Variants in DCUN1D5 observed in about 807,000 individuals in gnomAD.
DCUN1D5 encodes DCN1-like protein 5.
DCUN1D5 carries 10 observed loss-of-function variants against 38.3 expected under a neutral mutation model. The observed-to-expected ratio is 0.26, with a 90% CI of 0.16 to 0.44. The LOEUF is 0.44. Ranked by LOEUF, DCUN1D5 falls within the 20% of genes least tolerant of loss-of-function variation. The pLI is 1.00. For synonymous variants in DCUN1D5, 93 were observed against 90.9 expected (o/e 1.02, Z -0.13); for missense variants, 148 against 275.3 (o/e 0.54, Z 3.27).
intron 4 of DCUN1D5, among the ~76,000 whole-genome samples, chr11:103,070,196 G>A (rs147577529): frequency 8.4e-4 from 127 of 150,618 alleles, no homozygotes; most frequent in Admixed American, 1.8e-3. Context: ...TAAAATACAA[G>A]GTAGCCTTAA....
chr11:103,063,136 A>G lies in DCUN1D5; in HGVS notation c.659-722T>C, dbSNP rs963962993. On this transcript the variant is annotated intron_variant, in intron 7 of 7. Coordinates refer to ENST00000260247, the MANE Select transcript of DCUN1D5 (RefSeq NM_032299.4). The surrounding 1 kb of genome is among the most constrained non-coding windows in gnomAD (Gnocchi z 4.6). Reference sequence around the variant, plus strand: ...TCTATCGTAAGAAAAGCAGCAGAGCACATATGATAATAAATGGCAACTGAA... The same window carrying G: ...TCTATCGTAAGAAAAGCAGCAGAGCGCATATGATAATAAATGGCAACTGAA... 6.6e-6 allele frequency among the ~76,000 whole-genome samples: 1 copy of G among 152,156 alleles called. No individual in the cohort carries two copies. Among genetic ancestry groups the G allele is most frequent in the Admixed American group, 6.5e-5 (1 of 15,274 alleles).
At position 103,083,358 on chromosome 11, in the gene DCUN1D5, T is replaced by A; in HGVS notation, c.179-32A>T. 8.2e-7 allele frequency: 1 copy of A among 1,226,958 alleles called. No homozygotes were observed. Among genetic ancestry groups the A allele is most frequent in the Non-Finnish European group, 1.2e-6 (1 of 833,204 alleles). 76.0% of individuals were successfully genotyped at this position (1,226,958 alleles called of 1,614,324 possible). A position where few individuals can be genotyped will look rare whatever the true frequency, so the allele number is the denominator to read the frequency against. ...AGACAAAAATAATTAACATATTTTGTTATAATATCAACATAAAACATAAAT... is the reference window on the plus strand; with the variant it reads ...AGACAAAAATAATTAACATATTTTGATATAATATCAACATAAAACATAAAT... On this transcript the variant is annotated intron_variant, in intron 2 of 7. Coordinates refer to ENST00000260247, the MANE Select transcript of DCUN1D5 (RefSeq NM_032299.4). This position sits in a 1 kb window ranked among gnomAD's most constrained non-coding sequence, Gnocchi z 4.4.
chr11:103,069,179 TG>T (rs1224076171), intron 4 of DCUN1D5, among the ~76,000 whole-genome samples: 1 of 152,204 alleles, frequency 6.6e-6, no homozygotes, highest in Non-Finnish European at 1.5e-5. Flanking sequence ...GGTGGAAACC[TG>T]AGGAACTACA....
chr11:103,076,626 A>G (rs1862414049), intron 4 of DCUN1D5, among the ~76,000 whole-genome samples: 1 of 152,234 alleles, frequency 6.6e-6, no homozygotes, highest in Non-Finnish European at 1.5e-5. Flanking sequence ...CGACGATAAT[A>G]ATTTAATAGG....
intron 4 of DCUN1D5, among the ~76,000 whole-genome samples, chr11:103,075,015 T>C (rs1347494080): frequency 6.6e-6 from 1 of 152,188 alleles, no homozygotes; most frequent in African/African-American, 2.4e-5. Context: ...ATTTTTGGCT[T>C]GGGTCAGATA....
rs1449664244 is a variant in DCUN1D5 at position 103,055,109 on chromosome 11, T to C, written c.*7250A>G. 3 of 152,178 alleles carry C rather than the reference T, an allele frequency of 2.0e-5. No individual in the cohort carries two copies. The highest frequency in any genetic ancestry group is 4.4e-5 in the Non-Finnish European group (3 of 68,010). The allele number at this position is 152,178 out of a possible 1,614,324, so 9.4% of individuals were successfully genotyped here. A position where few individuals can be genotyped will look rare whatever the true frequency, so the allele number is the denominator to read the frequency against. On this transcript the variant is annotated 3_prime_UTR_variant, in exon 8 of 8. Coordinates refer to ENST00000260247, the MANE Select transcript of DCUN1D5 (RefSeq NM_032299.4). Reference sequence around the variant, plus strand: ...ATGTTTCATATACACTTTTTACACATAGCCTGCAGCTAATTTTATTTTTCT... The same window carrying C: ...ATGTTTCATATACACTTTTTACACACAGCCTGCAGCTAATTTTATTTTTCT...
In DCUN1D5 at chr11:103,092,110, C is replaced by G; in HGVS notation, c.-238G>C. The G allele has an allele frequency of 6.1e-6, 3 of 487,994 alleles. No homozygotes were observed. Among genetic ancestry groups the G allele is most frequent in the Non-Finnish European group, 1.1e-5 (3 of 275,884 alleles). The allele number at this position is 487,994 out of a possible 1,614,324, so 30.2% of individuals were successfully genotyped here. ...CGGTGGACACTGCGGTTCGTTCTCA[C>G]CGGGAGGAGATAACGCGGACAGCGC... On this transcript the variant is annotated 5_prime_UTR_variant, in exon 1 of 8. Coordinates refer to ENST00000260247, the MANE Select transcript of DCUN1D5 (RefSeq NM_032299.4).
Position 103,062,200 on chromosome 11 carries a change from G to A in DCUN1D5, c.*159C>T. On this transcript the variant is annotated 3_prime_UTR_variant, in exon 8 of 8. Transcript: ENST00000260247. The surrounding 1 kb of genome is among the most constrained non-coding windows in gnomAD (Gnocchi z 4.6). ...AGGTGTGGCTCAATGCCCATCACAT[G>A]TAACAAGAAAAACCTCCTTTAAAAA... 1 of 650,730 alleles carries A rather than the reference G, an allele frequency of 1.5e-6. No individual in the cohort carries two copies. The highest frequency in any genetic ancestry group is 2.0e-5 in the South Asian group (1 of 49,888). 40.3% of individuals were successfully genotyped at this position (650,730 alleles called of 1,614,324 possible). A position where few individuals can be genotyped will look rare whatever the true frequency, so the allele number is the denominator to read the frequency against.
chr11:103,058,674 G>T lies in DCUN1D5; in HGVS notation c.*3685C>A, dbSNP rs1861936240. 6.6e-6 allele frequency among the ~76,000 whole-genome samples: 1 copy of T among 151,854 alleles called. No homozygotes were observed. Among genetic ancestry groups the T allele is most frequent in the African/African-American group, 2.4e-5 (1 of 41,354 alleles). The stretch of plus-strand genomic sequence containing the variant: ...TAATAAAACTATATCATTAAAAAAA[G>T]ATATAATCCAGAATATTTAATAATT... On this transcript the variant is annotated 3_prime_UTR_variant, in exon 8 of 8. Coordinates refer to ENST00000260247, the MANE Select transcript of DCUN1D5 (RefSeq NM_032299.4).
Position 103,066,260 on chromosome 11 carries a change from C to A in DCUN1D5, c.555+9G>T. The A allele has an allele frequency of 6.6e-7, 1 of 1,511,892 alleles. No homozygotes were observed. The highest frequency in any genetic ancestry group is 2.2e-5 in the Admixed American group (1 of 45,990). 93.7% of individuals were successfully genotyped at this position (1,511,892 alleles called of 1,614,324 possible). A position where few individuals can be genotyped will look rare whatever the true frequency, so the allele number is the denominator to read the frequency against. On this transcript the variant is annotated intron_variant, in intron 6 of 7. Transcript: ENST00000260247. This position sits in a 1 kb window ranked among gnomAD's most constrained non-coding sequence, Gnocchi z 4.7. ...ATAATATTTTCAAAATTCGAAAAAA[C>A]ATACGTACCTCCAGGTACTGGTAAA...
At chr11:103,081,975 G>A (rs1045584240) in intron 4 of DCUN1D5, among the ~76,000 whole-genome samples, 2 of 151,932 alleles carry the variant, frequency 1.3e-5, no homozygotes, top group African/African-American at 4.8e-5. Flanking sequence ...AGCTAATTAA[G>A]CCCCAGTTTT....
In DCUN1D5 at chr11:103,091,948, G is replaced by C; in HGVS notation, c.-76C>G. On this transcript the variant is annotated 5_prime_UTR_variant, in exon 1 of 8. Transcript: ENST00000260247. The surrounding 1 kb of genome is among the most constrained non-coding windows in gnomAD (Gnocchi z 4.3). Reference sequence around the variant, plus strand: ...TGTCCGCTGGAAGCCCCTCAGCGCTGGCACCCAGTTCCCAGAGACAGCAGC... The same window carrying C: ...TGTCCGCTGGAAGCCCCTCAGCGCTCGCACCCAGTTCCCAGAGACAGCAGC... 1 of 1,390,510 alleles carries C rather than the reference G, an allele frequency of 7.2e-7. No homozygotes were observed. Among genetic ancestry groups the C allele is most frequent in the South Asian group, 1.3e-5 (1 of 76,954 alleles). 86.1% of individuals were successfully genotyped at this position (1,390,510 alleles called of 1,614,324 possible).
In DCUN1D5 at chr11:103,086,981, A is replaced by G. The variant is rs918610645; in HGVS notation, c.178+2246T>C. ...GGTTTGAATCCTGGCTCTTGTCACTATATGATCTTGGGCAAATTAATTAAT... is the reference window on the plus strand; with the variant it reads ...GGTTTGAATCCTGGCTCTTGTCACTGTATGATCTTGGGCAAATTAATTAAT... On this transcript the variant is annotated intron_variant, in intron 2 of 7. Coordinates refer to ENST00000260247, the MANE Select transcript of DCUN1D5 (RefSeq NM_032299.4). This position sits in a 1 kb window ranked among gnomAD's most constrained non-coding sequence, Gnocchi z 4.1. Among the ~76,000 whole-genome samples, 1 of 151,876 alleles carries G rather than the reference A, an allele frequency of 6.6e-6. No homozygotes were observed. The highest frequency in any genetic ancestry group is 1.5e-5 in the Non-Finnish European group (1 of 67,986).
chr11:103,081,534 A>G (rs1451971436), intron 4 of DCUN1D5, among the ~76,000 whole-genome samples: 3 of 152,220 alleles, frequency 2.0e-5, no homozygotes, highest in African/African-American at 7.2e-5. Flanking sequence ...CCTCTATTTT[A>G]TAAGGAATGT....
chr11:103,090,338 G>A lies in DCUN1D5; in HGVS notation c.87-1020C>T, dbSNP rs117175527. ...CAAATTCTAATGTTGACAAACAAGAGGTGTATGTATCATCGTTCACATTAA... is the reference window on the plus strand; with the variant it reads ...CAAATTCTAATGTTGACAAACAAGAAGTGTATGTATCATCGTTCACATTAA... On this transcript the variant is annotated intron_variant, in intron 1 of 7. Transcript: ENST00000260247. 2.5e-3 allele frequency among the ~76,000 whole-genome samples: 373 copies of A among 152,226 alleles called. 2 individuals carry two copies. The highest frequency in any genetic ancestry group is 4.3e-3 in the Non-Finnish European group (294 of 68,012).
intron 3 of DCUN1D5, 25 bp from the exon 4 acceptor site, chr11:103,082,864 T>C (rs756577029): frequency 1.9e-6 from 3 of 1,573,412 alleles, no homozygotes; most frequent in East Asian, 2.2e-5. Context: ...ACATAAAGGA[T>C]AGGGGAAAAG....
chr11:103,072,869 G>T (rs1044532362), intron 4 of DCUN1D5, among the ~76,000 whole-genome samples: 2 of 152,036 alleles, frequency 1.3e-5, no homozygotes, highest in Non-Finnish European at 2.9e-5. Flanking sequence ...TAACAAACCT[G>T]CACGTTGTGC....
chr11:103,070,424 TAGAGCAACTTC>T (rs1862243358), intron 4 of DCUN1D5, among the ~76,000 whole-genome samples: 1 of 152,084 alleles, frequency 6.6e-6, no homozygotes, highest in Non-Finnish European at 1.5e-5. Context: ...GATATTAAAA[TAGAGCAACTTC>T]AGAGCAAAGA....
At position 103,087,550 on chromosome 11, in the gene DCUN1D5, T is replaced by C. The variant is rs1862744808; in HGVS notation, c.178+1677A>G. ...CTATATTCCCACCTACTAGAAAGGCTGAGGTGGGAGGATGGCCTGAGCCCA... is the reference window on the plus strand; with the variant it reads ...CTATATTCCCACCTACTAGAAAGGCCGAGGTGGGAGGATGGCCTGAGCCCA... On this transcript the variant is annotated intron_variant, in intron 2 of 7. Transcript: ENST00000260247. This position sits in a 1 kb window ranked among gnomAD's most constrained non-coding sequence, Gnocchi z 4.1. Among the ~76,000 whole-genome samples, 1 of 152,074 alleles carries C rather than the reference T, an allele frequency of 6.6e-6. No homozygotes were observed. Among genetic ancestry groups the C allele is most frequent in the Admixed American group, 6.5e-5 (1 of 15,276 alleles).
Sources: allele counts gnomAD v4.1 joint callset (sites outside exome capture counted in the v4.1 genomes callset), GRCh38; gene constraint gnomAD v4.1.1; non-coding constraint Gnocchi (gnomAD v3.1); transcripts MANE v1.5; gene names NCBI Gene and HGNC (gene_info 2026-07-23, HGNC 2026-07-21).